CAMK2D: variants seen among roughly 807,000 people sequenced by gnomAD.
CAMK2D encodes calcium/calmodulin-dependent protein kinase type II subunit delta.
In CAMK2D, 37 loss-of-function variants were observed where a neutral mutation model predicts 84.0. The ratio of observed to expected loss-of-function variants is 0.44; its 90% CI spans 0.34 to 0.58. The LOEUF is 0.58. CAMK2D is among the 20% of genes least tolerant of loss of function. CAMK2D has a pLI of 0.02. For missense variants in CAMK2D, 448 were observed against 652.5 expected (o/e 0.69, Z 3.41); for synonymous variants, 202 against 212.5 (o/e 0.95, Z 0.43).
chr4:113,573,720 AC>A (rs904621958), intron 4 of CAMK2D, among the ~76,000 whole-genome samples: 22 of 152,298 alleles, frequency 1.4e-4, no homozygotes, highest in African/African-American at 5.3e-4. Flanking sequence ...ATTCTCACTT[AC>A]TATTTCCTCC....
Position 113,678,075 on chromosome 4 carries a change from G to C in CAMK2D, c.161-16303C>G, listed in dbSNP as rs1361367020. ...ATTGTTCTGGTCAGCTGAAAATCAG[G>C]CTGCCTACAAGTTAAATGAAAAATA... On this transcript the variant is annotated intron_variant, in intron 2 of 20. Transcript: ENST00000511664. 2.6e-5 allele frequency among the ~76,000 whole-genome samples: 4 copies of C among 152,058 alleles called. No individual in the cohort carries two copies. The East Asian group carries it at 7.7e-4, about 29-fold the overall frequency.
At chr4:113,757,683 A>T (rs1027241207) in intron 2 of CAMK2D, among the ~76,000 whole-genome samples, 6 of 152,136 alleles carry the variant, frequency 3.9e-5, no homozygotes, top group African/African-American at 1.4e-4. Context: ...AAGCTTTGGG[A>T]CATGTAGGTA....
At chr4:113,506,379 A>G (rs1268990489) in intron 13 of CAMK2D, among the ~76,000 whole-genome samples, 1 of 152,174 alleles carries the variant, frequency 6.6e-6, no homozygotes, top group Non-Finnish European at 1.5e-5. Flanking sequence ...GGATGAGAAA[A>G]CTTCTAAACT....
chr4:113,481,192 T>G (rs910899792), intron 16 of CAMK2D, among the ~76,000 whole-genome samples: 4 of 152,164 alleles, frequency 2.6e-5, no homozygotes, highest in Non-Finnish European at 4.4e-5. Flanking sequence ...TCAGGAGAAT[T>G]CCGATCATTT....
chr4:113,513,232 C>CTAAT (rs946884638), intron 12 of CAMK2D, 96 bp downstream of exon 12: 1 of 1,573,208 alleles, frequency 6.4e-7, no homozygotes, highest in African/African-American at 1.4e-5. Context: ...TGAAGTTTTT[C>CTAAT]TAATTATTAG....
chr4:113,480,119 A>C (rs2097682873), intron 16 of CAMK2D, among the ~76,000 whole-genome samples: 1 of 151,932 alleles, frequency 6.6e-6, no homozygotes, highest in African/African-American at 2.4e-5. Context: ...ATGCCGCCAC[A>C]CCGGCTAATT....
chr4:113,660,987 G>A (rs1316202902), intron 3 of CAMK2D, among the ~76,000 whole-genome samples: 2 of 151,506 alleles, frequency 1.3e-5, no homozygotes, highest in Non-Finnish European at 2.9e-5. Flanking sequence ...TAGTAGAGAC[G>A]GGGTTTCATG....
chr4:113,755,094 G>A lies in CAMK2D; in HGVS notation c.160+4226C>T, dbSNP rs567579359. 2.1e-5 allele frequency: 21 copies of A among 983,370 alleles called. 1 individual carries two copies. The African/African-American group carries it at 2.6e-4, about 12-fold the overall frequency. 60.9% of individuals were successfully genotyped at this position (983,370 alleles called of 1,614,324 possible). A position where few individuals can be genotyped will look rare whatever the true frequency, so the allele number is the denominator to read the frequency against. On this transcript the variant is annotated intron_variant, in intron 2 of 20. Transcript: ENST00000511664. Reference sequence around the variant, plus strand: ...ATTACAGTACTTTCTTGACTGCCTGGAAGCCAAAAATAAAAGAAAAGTAGC... The same window carrying A: ...ATTACAGTACTTTCTTGACTGCCTGAAAGCCAAAAATAAAAGAAAAGTAGC...
intron 2 of CAMK2D, among the ~76,000 whole-genome samples, chr4:113,718,585 T>C (rs565976755): frequency 1.3e-5 from 2 of 152,324 alleles, no homozygotes; most frequent in South Asian, 4.1e-4. Flanking sequence ...ATTTCTAATA[T>C]TGTGGCTAGT....
At chr4:113,632,910 T>C (rs570042896) in intron 3 of CAMK2D, among the ~76,000 whole-genome samples, 2 of 152,318 alleles carry the variant, frequency 1.3e-5, no homozygotes, top group South Asian at 4.1e-4. Flanking sequence ...CATATTTCCC[T>C]AGGACTGAGA....
intron 3 of CAMK2D, among the ~76,000 whole-genome samples, chr4:113,639,097 T>C (rs1042964704): frequency 4.8e-5 from 6 of 126,002 alleles, no homozygotes; most frequent in African/African-American, 2.0e-4. Flanking sequence ...AAAAAAAAAA[T>C]AGCCCGGTGT....
At chr4:113,629,563 C>T (rs1359613465) in intron 3 of CAMK2D, among the ~76,000 whole-genome samples, 2 of 151,906 alleles carry the variant, frequency 1.3e-5, no homozygotes, top group Non-Finnish European at 1.5e-5. Context: ...TATACTCTGA[C>T]ATTTAATGAA....
intron 3 of CAMK2D, among the ~76,000 whole-genome samples, chr4:113,634,419 G>C (rs1438253058): frequency 1.3e-5 from 2 of 152,168 alleles, no homozygotes; most frequent in Non-Finnish European, 2.9e-5. Flanking sequence ...ATAAAATGAA[G>C]AGCATGGTAT....
chr4:113,463,007 ACTT>A lies in CAMK2D; in HGVS notation c.1211+2519_1211+2521del, dbSNP rs374636849. 3.9e-3 allele frequency among the ~76,000 whole-genome samples: 592 copies of A among 152,254 alleles called. 5 individuals carry two copies. Among genetic ancestry groups the A allele is most frequent in the African/African-American group, 0.013 (549 of 41,562 alleles). ...AGGGAACGGTTGTCTCTGAAAACAGACTTCTTCTTAACTCCAATTTTTACTATT... is the reference window on the plus strand; with the variant it reads ...AGGGAACGGTTGTCTCTGAAAACAGACTTCTTAACTCCAATTTTTACTATT... On this transcript the variant is annotated intron_variant, in intron 17 of 20. Coordinates refer to ENST00000511664, the MANE Select transcript of CAMK2D (RefSeq NM_001321571.2).
chr4:113,553,462 T>C (rs2098643923), intron 4 of CAMK2D, among the ~76,000 whole-genome samples: 1 of 152,228 alleles, frequency 6.6e-6, no homozygotes, highest in South Asian at 2.1e-4. Context: ...GTTTGCTTTT[T>C]TGCTTTATTA....
At chr4:113,755,283 T>C (rs538821775) in intron 2 of CAMK2D, among the ~76,000 whole-genome samples, 1 of 151,760 alleles carries the variant, frequency 6.6e-6, no homozygotes, top group African/African-American at 2.4e-5. Context: ...CTGATTCATG[T>C]ACTACTAATA....
chr4:113,597,859 T>C (rs1411584368), intron 4 of CAMK2D, among the ~76,000 whole-genome samples: 1 of 152,194 alleles, frequency 6.6e-6, no homozygotes, highest in Admixed American at 6.5e-5. Context: ...AAGTTATTTA[T>C]TGGTTTAATT....
intron 18 of CAMK2D, among the ~76,000 whole-genome samples, chr4:113,457,927 C>T (rs1432727171): frequency 1.3e-5 from 2 of 152,154 alleles, no homozygotes; most frequent in Non-Finnish European, 2.9e-5. Context: ...CCAAGCACTG[C>T]CCCTGTCTTT....
At chr4:113,581,150 A>T (rs2098806385) in intron 4 of CAMK2D, among the ~76,000 whole-genome samples, 1 of 152,152 alleles carries the variant, frequency 6.6e-6, no homozygotes, top group African/African-American at 2.4e-5. Context: ...TTATTAATAT[A>T]AGGAGGTAGA....
Sources: gnomAD v4.1 joint callset for allele counts (sites outside exome capture counted in the v4.1 genomes callset) on GRCh38, gnomAD v4.1.1 for gene constraint, MANE v1.5 for transcripts, NCBI Gene and HGNC (gene_info 2026-07-23, HGNC 2026-07-21) for gene names.